Variants in ZNF385D observed in about 807,000 individuals in gnomAD.
ZNF385D encodes the protein zinc finger protein 385D.
A neutral mutation model predicts 35.8 loss-of-function variants in ZNF385D; 15 were observed. The observed-to-expected ratio is 0.42, with a 90% CI of 0.28 to 0.64. The LOEUF is 0.64. ZNF385D is among the 30% of genes least tolerant of loss of function. ZNF385D has a pLI of 0.23. For synonymous variants in ZNF385D, 212 were observed against 186.8 expected (o/e 1.13, Z -1.10); for missense variants, 474 against 494.6 (o/e 0.96, Z 0.39).
intron 3 of ZNF385D, among the ~76,000 whole-genome samples, chr3:21,950,117 T>C (rs1336336307): frequency 6.6e-6 from 1 of 151,896 alleles, no homozygotes; most frequent in African/African-American, 2.4e-5. Flanking sequence ...TTCTAGATCC[T>C]TGAGGAATCA....
At position 22,212,439 on chromosome 3, in the gene ZNF385D, G is replaced by A. The variant is rs375153244; in HGVS notation, c.107-43404C>T. ...GAAATTGATGAGCCCAGATCAAGTG[G>A]CTCTGATCCACCTGTTACAAAGTAA... On this transcript the variant is annotated intron_variant, in intron 2 of 5. Transcript: ENST00000494108. Among the ~76,000 whole-genome samples, 6 of 152,140 alleles carry A rather than the reference G, an allele frequency of 3.9e-5. No individual in the cohort carries two copies. In the South Asian group the frequency reaches 8.3e-4, roughly 21 times the overall value.
chr3:22,269,484 A>G (rs1017808276), intron 2 of ZNF385D, among the ~76,000 whole-genome samples: 2 of 151,968 alleles, frequency 1.3e-5, no homozygotes, highest in African/African-American at 4.8e-5. Context: ...GAAACAGCCA[A>G]GGAAGTTTAG....
At position 21,991,609 on chromosome 3, in the gene ZNF385D, C is replaced by T. The variant is rs144102528; in HGVS notation, c.325+177208G>A. Among the ~76,000 whole-genome samples the T allele has an allele frequency of 9.2e-4, 140 of 152,250 alleles. No individual in the cohort carries two copies. The East Asian group carries it at 0.012, about 13-fold the overall frequency. On this transcript the variant is annotated intron_variant, in intron 3 of 5. Coordinates refer to the ZNF385D transcript ENST00000494108. ...CACCACAAATAAGAATGCTCTAGCA[C>T]GACAGCTAATAAGACAAAGAACTGT... is the stretch of plus-strand genomic sequence containing the variant.
intron 3 of ZNF385D, among the ~76,000 whole-genome samples, chr3:22,059,802 T>A (rs1198046570): frequency 6.6e-6 from 1 of 152,206 alleles, no homozygotes; most frequent in Non-Finnish European, 1.5e-5. Flanking sequence ...GGCTAAGGGA[T>A]GCTCTGGTAG....
In ZNF385D at chr3:22,003,802, G is replaced by A. The variant is rs572151248; in HGVS notation, c.325+165015C>T. ...GAATTGCTTGAACCTAGGGGGCAGA[G>A]GCTGCAGTGAGCCAAGATTGCACCA... On this transcript the variant is annotated intron_variant, in intron 3 of 5. Transcript: ENST00000494108. Among the ~76,000 whole-genome samples, 3 of 151,860 alleles carry A rather than the reference G, an allele frequency of 2.0e-5. No individual in the cohort carries two copies. In the South Asian group the frequency reaches 6.2e-4, roughly 32 times the overall value.
intron 2 of ZNF385D, among the ~76,000 whole-genome samples, chr3:22,323,276 G>C (rs1368864143): frequency 1.3e-5 from 2 of 152,102 alleles, no homozygotes; most frequent in African/African-American, 4.8e-5. Flanking sequence ...CCTGCCCACA[G>C]ACTCCCTGTT....
chr3:21,983,167 ATTT>A (rs370511511), intron 3 of ZNF385D, among the ~76,000 whole-genome samples: 7 of 106,130 alleles, frequency 6.6e-5, no homozygotes, highest in East Asian at 6.4e-4. Flanking sequence ...TTATTTTATT[ATTT>A]TTTTTTATTA....
intron 3 of ZNF385D, among the ~76,000 whole-genome samples, chr3:22,128,343 G>T (rs1036712330): frequency 6.6e-6 from 1 of 151,960 alleles, no homozygotes; most frequent in Non-Finnish European, 1.5e-5. Context: ...TTGGGAGTCT[G>T]ATTATTAAAT....
chr3:22,080,330 C>T (rs931120627), intron 3 of ZNF385D, among the ~76,000 whole-genome samples: 3 of 152,084 alleles, frequency 2.0e-5, no homozygotes, highest in African/African-American at 7.2e-5. Flanking sequence ...GTCATCTATG[C>T]AGCTGAGACA....
chr3:21,923,730 A>T (rs1700589016), intron 3 of ZNF385D, among the ~76,000 whole-genome samples: 1 of 152,218 alleles, frequency 6.6e-6, no homozygotes, highest in Non-Finnish European at 1.5e-5. Context: ...GTTGGAGTCC[A>T]TTATCATAAG....
chr3:21,947,598 C>T lies in ZNF385D; in HGVS notation c.325+221219G>A, dbSNP rs114761366. Among the ~76,000 whole-genome samples the T allele has an allele frequency of 3.6e-3, 553 of 152,280 alleles. 3 individuals are homozygous for T. The highest frequency in any genetic ancestry group is 0.01 in the Middle Eastern group (3 of 294). On this transcript the variant is annotated intron_variant, in intron 3 of 5. Coordinates refer to the ZNF385D transcript ENST00000494108. Reference sequence around the variant, plus strand: ...AACTCCTGACCTCACGAACCGCCCACATTGGACTCCCAGAGTGCTGGGATT... The same window carrying T: ...AACTCCTGACCTCACGAACCGCCCATATTGGACTCCCAGAGTGCTGGGATT...
At chr3:22,094,603 G>A (rs995992825) in intron 3 of ZNF385D, among the ~76,000 whole-genome samples, 5 of 151,784 alleles carry the variant, frequency 3.3e-5, no homozygotes, top group Admixed American at 3.3e-4. Context: ...ACTAAGGTGT[G>A]GTTTTGAGGA....
intron 3 of ZNF385D, among the ~76,000 whole-genome samples, chr3:22,117,542 A>G (rs1702874901): frequency 6.6e-6 from 1 of 151,978 alleles, no homozygotes; most frequent in Admixed American, 6.6e-5. Flanking sequence ...TAAATAGGAA[A>G]GGTATCTGAA....
intron 3 of ZNF385D, among the ~76,000 whole-genome samples, chr3:22,030,223 C>T (rs545092164): frequency 6.4e-4 from 72 of 111,672 alleles, no homozygotes; most frequent in African/African-American, 2.3e-3. Context: ...TGGGATCTTG[C>T]GATCATGCAA....
chr3:22,362,892 C>A (rs1482930392), intron 2 of ZNF385D, among the ~76,000 whole-genome samples: 1 of 151,974 alleles, frequency 6.6e-6, no homozygotes, highest in African/African-American at 2.4e-5. Flanking sequence ...TGTTTGGGGG[C>A]CCCTACTTTG....
chr3:21,421,470 TA>T (rs556472927), intron 7 of ZNF385D, 23 bp from the exon 8 acceptor site: 11 of 1,566,806 alleles, frequency 7.0e-6, no homozygotes, highest in South Asian at 1.1e-5. Flanking sequence ...AAAAATATTG[TA>T]AAAAAAACAA....
chr3:22,082,662 C>A (rs1700813936), intron 3 of ZNF385D, among the ~76,000 whole-genome samples: 2 of 152,204 alleles, frequency 1.3e-5, no homozygotes, highest in South Asian at 4.1e-4. Context: ...CGTCTGCAGA[C>A]TTAAACATCC....
At chr3:22,108,003 G>T (rs1702314527) in intron 3 of ZNF385D, among the ~76,000 whole-genome samples, 1 of 151,522 alleles carries the variant, frequency 6.6e-6, no homozygotes, top group Non-Finnish European at 1.5e-5. Context: ...CTGCCCTTCT[G>T]CCTTATACCA....
At chr3:22,207,822 C>A (rs944548816) in intron 2 of ZNF385D, among the ~76,000 whole-genome samples, 2 of 151,738 alleles carry the variant, frequency 1.3e-5, no homozygotes, top group Non-Finnish European at 2.9e-5. Flanking sequence ...ATACAAATGG[C>A]AAACAGTGCC....
Sources: allele counts gnomAD v4.1 joint callset (sites outside exome capture counted in the v4.1 genomes callset), GRCh38; gene constraint gnomAD v4.1.1; transcripts MANE v1.5; gene names NCBI Gene and HGNC (gene_info 2026-07-23, HGNC 2026-07-21).